AP3S1: variants seen among roughly 807,000 people sequenced by gnomAD.
The protein encoded by AP3S1 is adaptor related protein complex 3 subunit sigma 1, also known as AP-3 complex subunit sigma-1.
Under a neutral mutation model 21.3 loss-of-function variants are expected in AP3S1, and 12 were observed. The observed-to-expected ratio is 0.56, with a 90% CI of 0.36 to 0.91. AP3S1 has a LOEUF of 0.91. AP3S1 is among the 40% of genes least tolerant of loss of function. AP3S1 has a pLI of 0.01. For missense variants in AP3S1, 116 were observed against 225.0 expected (o/e 0.52, Z 3.10); for synonymous variants, 48 against 78.4 (o/e 0.61, Z 2.05).
Position 115,906,936 on chromosome 5 carries a change from G to A in AP3S1, c.453+3944G>A, listed in dbSNP as rs923150050. Reference sequence around the variant, plus strand: ...GATGTCAAAGGCAATTAATTATTTAGGCCAGACTCAAAAATTCTTTGTGTT... The same window carrying A: ...GATGTCAAAGGCAATTAATTATTTAAGCCAGACTCAAAAATTCTTTGTGTT... On this transcript the variant is annotated intron_variant, in intron 5 of 5. Transcript: ENST00000316788. 4 of 1,406,114 alleles carry A rather than the reference G, an allele frequency of 2.8e-6. No individual in the cohort carries two copies. In the African/African-American group the frequency reaches 4.4e-5, roughly 15 times the overall value. 87.1% of individuals were successfully genotyped at this position (1,406,114 alleles called of 1,614,324 possible).
chr5:115,852,179 C>G (rs911867063), intron 1 of AP3S1, among the ~76,000 whole-genome samples: 9 of 152,034 alleles, frequency 5.9e-5, no homozygotes, highest in Admixed American at 5.2e-4. Flanking sequence ...AATGAATTAT[C>G]TCTTTTATTT....
At chr5:115,909,455 CTTAA>C (rs2112592484) in intron 5 of AP3S1, among the ~76,000 whole-genome samples, 1 of 152,252 alleles carries the variant, frequency 6.6e-6, no homozygotes, top group Non-Finnish European at 1.5e-5. Flanking sequence ...TTTTCTTTCT[CTTAA>C]TTCTGTTAAT....
intron 1 of AP3S1, among the ~76,000 whole-genome samples, chr5:115,850,030 T>G (rs1418636825): frequency 6.6e-6 from 1 of 152,220 alleles, no homozygotes; most frequent in Non-Finnish European, 1.5e-5. Flanking sequence ...AAACCATTTT[T>G]TTCTTAGCTT....
At chr5:115,851,673 GT>G (rs1262647684) in intron 1 of AP3S1, among the ~76,000 whole-genome samples, 9 of 151,908 alleles carry the variant, frequency 5.9e-5, no homozygotes, top group Non-Finnish European at 1.2e-4. Context: ...GTTTGTTTTT[GT>G]TGTTAAGTTG....
At chr5:115,902,191 A>C in intron 4 of AP3S1, among the ~76,000 whole-genome samples, 1 of 152,196 alleles carries the variant, frequency 6.6e-6, no homozygotes, top group Non-Finnish European at 1.5e-5. Context: ...AGCAGAATAG[A>C]TTCTTCTGTG....
rs115785953 is a variant in AP3S1, at chr5:115,862,494, C to G, written c.70-4176C>G. On this transcript the variant is annotated intron_variant, in intron 1 of 5. Transcript: ENST00000316788. Reference sequence around the variant, plus strand: ...ACTGGACGTGGTGCTATTCTCAGTACGTGGTGCTACTCTCAGTGGAGAGAA... The same window carrying G: ...ACTGGACGTGGTGCTATTCTCAGTAGGTGGTGCTACTCTCAGTGGAGAGAA... Among the ~76,000 whole-genome samples the G allele has an allele frequency of 1.1e-3, 168 of 152,172 alleles. 1 individual carries two copies. Among genetic ancestry groups the G allele is most frequent in the African/African-American group, 3.9e-3 (161 of 41,524 alleles).
chr5:115,906,181 C>T (rs10045844), intron 5 of AP3S1, among the ~76,000 whole-genome samples: 8 of 152,058 alleles, frequency 5.3e-5, no homozygotes, highest in African/African-American at 1.9e-4. Flanking sequence ...CAAAAAAAGA[C>T]TTGTTTAAAA....
At chr5:115,844,616 T>G (rs2112758748) in intron 1 of AP3S1, among the ~76,000 whole-genome samples, 1 of 152,270 alleles carries the variant, frequency 6.6e-6, no homozygotes, top group South Asian at 2.1e-4. Flanking sequence ...TAAGGGAACA[T>G]TAGTTGGAAG....
At chr5:115,875,436 C>T (rs763918242) in intron 3 of AP3S1, among the ~76,000 whole-genome samples, 1 of 152,148 alleles carries the variant, frequency 6.6e-6, no homozygotes, top group Non-Finnish European at 1.5e-5. Flanking sequence ...GATGGTAGGC[C>T]TGAAAGCACA....
chr5:115,887,293 G>T (rs1006968919), intron 3 of AP3S1, among the ~76,000 whole-genome samples: 3 of 151,826 alleles, frequency 2.0e-5, no homozygotes, highest in African/African-American at 7.3e-5. Context: ...CAGCATATTA[G>T]TATCCTTAAA....
At position 115,866,678 on chromosome 5, in the gene AP3S1, T is replaced by G. The variant is rs751036287; in HGVS notation, c.78T>G (p.Asp26Glu). Residue 26 changes from aspartate (D) to glutamate (E), a missense_variant, in exon 2 of 6, where the codon GAT becomes GAG. Transcript: ENST00000316788. ...GAATTATTCTTCCTCAGAGTGAAGA[T>G]ACACAACAGCAAATCATCAGGGAGA... ...LSKFYQPYSE[D>E]TQQQIIRETF... 3 of 1,597,756 alleles carry G rather than the reference T, an allele frequency of 1.9e-6. No individual in the cohort carries two copies. The highest frequency in any genetic ancestry group is 1.1e-5 in the South Asian group (1 of 89,746).
chr5:115,846,997 T>A (rs986666846), intron 1 of AP3S1, among the ~76,000 whole-genome samples: 8 of 152,178 alleles, frequency 5.3e-5, no homozygotes, highest in African/African-American at 1.9e-4. Flanking sequence ...TTATTGTAGA[T>A]CCAATTTCTT....
chr5:115,862,378 A>G (rs993564990), intron 1 of AP3S1, among the ~76,000 whole-genome samples: 10 of 152,236 alleles, frequency 6.6e-5, no homozygotes, highest in African/African-American at 2.2e-4. Context: ...CACAGTAGAT[A>G]CTAGTTTATT....
intron 1 of AP3S1, among the ~76,000 whole-genome samples, chr5:115,849,199 G>T (rs1039717849): frequency 1.3e-5 from 2 of 152,226 alleles, no homozygotes; most frequent in Non-Finnish European, 2.9e-5. Flanking sequence ...GGTGATAGGA[G>T]ATAGGCAGTA....
intron 5 of AP3S1, among the ~76,000 whole-genome samples, chr5:115,910,296 A>G (rs1751994800): frequency 6.7e-6 from 1 of 148,604 alleles, no homozygotes; most frequent in Non-Finnish European, 1.5e-5. Flanking sequence ...AAGTTATGTG[A>G]TTGAGGCCTT....
chr5:115,859,971 C>G (rs1397175030), intron 1 of AP3S1, among the ~76,000 whole-genome samples: 2 of 152,170 alleles, frequency 1.3e-5, no homozygotes, highest in African/African-American at 4.8e-5. Context: ...ACAACCCAAA[C>G]TTATCGTTGT....
At chr5:115,889,662 C>G (rs578243116) in intron 3 of AP3S1, among the ~76,000 whole-genome samples, 1 of 152,238 alleles carries the variant, frequency 6.6e-6, no homozygotes, top group South Asian at 2.1e-4. Context: ...TGACAAAAGA[C>G]TGTAGCTAGA....
chr5:115,845,048 T>A lies in AP3S1; in HGVS notation c.69+2942T>A, dbSNP rs147979463. On this transcript the variant is annotated intron_variant, in intron 1 of 5. Coordinates refer to ENST00000316788, the MANE Select transcript of AP3S1 (RefSeq NM_001284.4). ...TTTCCTTCTATCTCTTAAAATGTAG[T>A]CCTTCACTAACTAGAGGTTTTAAGA... 8.5e-5 allele frequency among the ~76,000 whole-genome samples: 13 copies of A among 152,326 alleles called. No individual in the cohort carries two copies. In the East Asian group the frequency reaches 2.1e-3, roughly 25 times the overall value.
intron 2 of AP3S1, among the ~76,000 whole-genome samples, chr5:115,868,453 T>G (rs1173950202): frequency 6.6e-6 from 1 of 152,202 alleles, no homozygotes; most frequent in Non-Finnish European, 1.5e-5. Flanking sequence ...TAGAAGAGTA[T>G]CTAGCATAGT....
Sources: allele counts gnomAD v4.1 joint callset (sites outside exome capture counted in the v4.1 genomes callset), GRCh38; gene constraint gnomAD v4.1.1; transcripts MANE v1.5; gene names NCBI Gene and HGNC (gene_info 2026-07-23, HGNC 2026-07-21).